ULK4: variants seen among roughly 807,000 people sequenced by gnomAD.
ULK4 encodes the protein inactive serine/threonine-protein kinase ULK4.
A neutral mutation model predicts 160.6 loss-of-function variants in ULK4; 133 were observed. The observed-to-expected ratio is 0.83, with a 90% CI of 0.72 to 0.96. The LOEUF (loss-of-function observed/expected upper bound fraction) is 0.96. ULK4 is among the 40% of genes least tolerant of loss of function. The probability of loss-of-function intolerance (pLI) is 0.00; values close to 1 mark genes in which losing one functional copy is unlikely to be tolerated. For missense variants in ULK4, 1,580 were observed against 1,499.5 expected, an observed-to-expected ratio of 1.05 and a Z score of -0.89; for synonymous variants, 534 against 539.8, an observed-to-expected ratio of 0.99 and a Z score of 0.15.
intron 32 of ULK4, among the ~76,000 whole-genome samples, chr3:41,556,067 C>G (rs187382944): frequency 1.1e-4 from 17 of 152,246 alleles, no homozygotes; most frequent in Non-Finnish European, 7.4e-5. Flanking sequence ...GGAAAAATAA[C>G]TAATGAGTAC....
chr3:41,644,110 T>C (rs940438749), intron 30 of ULK4, among the ~76,000 whole-genome samples: 19 of 152,216 alleles, frequency 1.2e-4, no homozygotes, highest in African/African-American at 4.1e-4. Flanking sequence ...AATGGGGCTT[T>C]CTAGATACAC....
intron 22 of ULK4, among the ~76,000 whole-genome samples, chr3:41,728,528 C>T (rs952974097): frequency 1.3e-5 from 2 of 152,098 alleles, no homozygotes; most frequent in Non-Finnish European, 2.9e-5. Flanking sequence ...AGCACCACCT[C>T]CAACAACGCA....
chr3:41,741,641 A>G (rs1192717641), intron 22 of ULK4, among the ~76,000 whole-genome samples: 3 of 152,000 alleles, frequency 2.0e-5, no homozygotes, highest in Non-Finnish European at 4.4e-5. Context: ...ATAGTCATAG[A>G]TGTTTCCAAT....
intron 30 of ULK4, among the ~76,000 whole-genome samples, chr3:41,625,233 G>A (rs1265216581): frequency 6.6e-6 from 1 of 152,202 alleles, no homozygotes; most frequent in African/African-American, 2.4e-5. Context: ...AATGTACTGA[G>A]TGGTAGCATA....
chr3:41,638,468 C>T (rs1428188512), intron 30 of ULK4, among the ~76,000 whole-genome samples: 1 of 152,192 alleles, frequency 6.6e-6, no homozygotes, highest in Non-Finnish European at 1.5e-5. Context: ...TACAAAGTGT[C>T]ACCGAGGCAT....
At chr3:41,944,446 C>T (rs999505278) in intron 2 of ULK4, among the ~76,000 whole-genome samples, 3 of 152,070 alleles carry the variant, frequency 2.0e-5, no homozygotes, top group Admixed American at 1.3e-4. Context: ...TCTAAAAAAA[C>T]GTAATTTCAG....
intron 15 of ULK4, among the ~76,000 whole-genome samples, chr3:41,896,109 T>C (rs991107611): frequency 7.2e-5 from 11 of 152,290 alleles, no homozygotes; most frequent in Admixed American, 3.9e-4. Flanking sequence ...AGAGGATTGA[T>C]GTCTTCCTTC....
chr3:41,299,888 T>C (rs186894976), intron 35 of ULK4, among the ~76,000 whole-genome samples: 68 of 152,344 alleles, frequency 4.5e-4, no homozygotes, highest in African/African-American at 1.6e-3. Context: ...TTCCAATTTC[T>C]GAGAAGTATA....
chr3:41,425,050 A>C (rs1243191124), intron 34 of ULK4, among the ~76,000 whole-genome samples: 1 of 152,150 alleles, frequency 6.6e-6, no homozygotes, highest in Non-Finnish European at 1.5e-5. Flanking sequence ...GAATCATGAT[A>C]AAACATTACA....
At chr3:41,849,680 G>A (rs530064069) in intron 17 of ULK4, among the ~76,000 whole-genome samples, 7 of 152,142 alleles carry the variant, frequency 4.6e-5, no homozygotes, top group Non-Finnish European at 8.8e-5. Context: ...TAGGTTTATC[G>A]ACTAGAACAA....
intron 30 of ULK4, among the ~76,000 whole-genome samples, chr3:41,653,374 C>T (rs999208613): frequency 2.0e-5 from 3 of 152,172 alleles, no homozygotes; most frequent in Non-Finnish European, 4.4e-5. Context: ...TTTCCTCTGC[C>T]CCCTGACTGG....
At position 41,802,883 on chromosome 3, in the gene ULK4, T is replaced by C. The variant is rs113461212; in HGVS notation, c.1849-2590A>G. Among the ~76,000 whole-genome samples, 1,189 of 152,214 alleles carry C rather than the reference T, an allele frequency of 7.8e-3. 11 individuals carry two copies. Among genetic ancestry groups the C allele is most frequent in the Non-Finnish European group, 0.012 (824 of 68,010 alleles). On this transcript the variant is annotated intron_variant, in intron 19 of 36. Coordinates refer to ENST00000301831, the MANE Select transcript of ULK4 (RefSeq NM_017886.4). ...ACACTGTTAAATAAAAAAAGATGTA[T>C]AGGCTGGGCGCAGTGGCTCACGCCT...
chr3:41,771,086 T>A (rs1312403367), intron 21 of ULK4, among the ~76,000 whole-genome samples: 2 of 152,218 alleles, frequency 1.3e-5, no homozygotes, highest in Non-Finnish European at 2.9e-5. Context: ...ATACTCCAGC[T>A]AATAATACGG....
At chr3:41,799,519 C>A (rs192403055) in intron 20 of ULK4, among the ~76,000 whole-genome samples, 2 of 152,262 alleles carry the variant, frequency 1.3e-5, no homozygotes, top group Admixed American at 1.3e-4. Flanking sequence ...ATATAACAAA[C>A]CAAACCCTGT....
chr3:41,319,333 T>C (rs919891551), intron 35 of ULK4, among the ~76,000 whole-genome samples: 1 of 152,220 alleles, frequency 6.6e-6, no homozygotes, highest in Non-Finnish European at 1.5e-5. Flanking sequence ...GCTGTTAGGA[T>C]GCCTTGTTTC....
intron 32 of ULK4, among the ~76,000 whole-genome samples, chr3:41,523,677 G>C (rs2086011894): frequency 6.6e-6 from 1 of 152,088 alleles, no homozygotes; most frequent in Admixed American, 6.5e-5. Flanking sequence ...CACATTGCTG[G>C]TGGCAATGTA....
At chr3:41,703,108 C>A (rs1304420841) in intron 27 of ULK4, among the ~76,000 whole-genome samples, 1 of 152,110 alleles carries the variant, frequency 6.6e-6, no homozygotes, top group Non-Finnish European at 1.5e-5. Context: ...CCCGCCTCAG[C>A]CTCCCAAAGT....
intron 22 of ULK4, among the ~76,000 whole-genome samples, chr3:41,740,511 T>TG (rs1263665072): frequency 6.6e-6 from 1 of 151,852 alleles, no homozygotes; most frequent in Admixed American, 6.6e-5. Flanking sequence ...GAGAAATAGG[T>TG]GGACATTTGT....
intron 17 of ULK4, chr3:41,882,321 G>A (rs1697552539): frequency 1.4e-6 from 1 of 702,124 alleles, no homozygotes; most frequent in Non-Finnish European, 2.6e-6. Flanking sequence ...ATGCCAGGTG[G>A]TGATACATGC....
Sources: gnomAD v4.1 joint callset for allele counts (sites outside exome capture counted in the v4.1 genomes callset) on GRCh38, gnomAD v4.1.1 for gene constraint, MANE v1.5 for transcripts, NCBI Gene and HGNC (gene_info 2026-07-23, HGNC 2026-07-21) for gene names.